Variants in PXDNL observed in about 807,000 individuals in gnomAD.
PXDNL encodes the protein probable oxidoreductase PXDNL.
In PXDNL, 145 loss-of-function variants were observed where a neutral mutation model predicts 150.8. That is an observed-to-expected ratio of 0.96 (90% CI 0.84 to 1.10). The LOEUF (loss-of-function observed/expected upper bound fraction) is 1.10. Ranked by LOEUF, PXDNL falls within the 50% of genes least tolerant of loss-of-function variation. PXDNL has a pLI of 0.00. For missense variants in PXDNL, 2,087 were observed against 1,873.9 expected (o/e 1.11, Z -2.10); for synonymous variants, 757 against 725.7 (o/e 1.04, Z -0.69).
chr8:51,713,750 G>A (rs1246169907), intron 1 of PXDNL, among the ~76,000 whole-genome samples: 1 of 152,178 alleles, frequency 6.6e-6, no homozygotes, highest in African/African-American at 2.4e-5. Flanking sequence ...TGTAGTATAA[G>A]AAGAGCTGAT....
intron 17 of PXDNL, among the ~76,000 whole-genome samples, chr8:51,376,920 G>A (rs958562623): frequency 7.2e-5 from 11 of 151,958 alleles, no homozygotes; most frequent in Middle Eastern, 3.4e-3. Context: ...GGGTTTCACC[G>A]TGTTAGCCAG....
chr8:51,780,682 G>C (rs1366994055), intron 1 of PXDNL, among the ~76,000 whole-genome samples: 1 of 105,464 alleles, frequency 9.5e-6, no homozygotes, highest in East Asian at 2.9e-4. Context: ...TTTTTGAGAT[G>C]GAGTTTCACT....
chr8:51,576,411 C>T lies in PXDNL; in HGVS notation c.308+16216G>A, dbSNP rs1333357931. Among the ~76,000 whole-genome samples, 3 of 151,548 alleles carry T rather than the reference C, an allele frequency of 2.0e-5. 1 individual carries two copies. The highest frequency in any genetic ancestry group is 4.2e-4 in the South Asian group (2 of 4,814). On this transcript the variant is annotated intron_variant, in intron 3 of 22. Transcript: ENST00000356297. ...ATCTAAACACTTGGAAACCAAACAA[C>T]GTACTTACAAACAATCCCTGAGTCA...
intron 17 of PXDNL, among the ~76,000 whole-genome samples, chr8:51,401,560 G>A (rs1808248720): frequency 6.6e-6 from 1 of 152,160 alleles, no homozygotes; most frequent in South Asian, 2.1e-4. Context: ...GACTAAGAGC[G>A]CATGGTAGTC....
intron 1 of PXDNL, among the ~76,000 whole-genome samples, chr8:51,658,039 C>G (rs574274426): frequency 1.3e-4 from 20 of 152,094 alleles, no homozygotes; most frequent in Non-Finnish European, 2.1e-4. Flanking sequence ...TCACTCTCTT[C>G]CTGAGAAGCA....
intron 8 of PXDNL, among the ~76,000 whole-genome samples, chr8:51,467,559 C>T (rs1471154237): frequency 6.6e-6 from 1 of 152,006 alleles, no homozygotes; most frequent in Admixed American, 6.6e-5. Context: ...TATTCCAAAC[C>T]TCAGCATCAT....
intron 11 of PXDNL, among the ~76,000 whole-genome samples, chr8:51,448,627 G>T (rs1489642211): frequency 2.0e-5 from 3 of 152,124 alleles, no homozygotes; most frequent in Non-Finnish European, 4.4e-5. Context: ...GTGAACCCGG[G>T]AGGCGGAGCT....
intron 2 of PXDNL, among the ~76,000 whole-genome samples, chr8:51,643,595 A>G (rs1217621177): frequency 1.3e-5 from 2 of 152,198 alleles, no homozygotes; most frequent in Non-Finnish European, 2.9e-5. Context: ...AAACCCTAGA[A>G]CAAAACCTAG....
intron 1 of PXDNL, among the ~76,000 whole-genome samples, chr8:51,707,613 A>T (rs1440376249): frequency 1.3e-5 from 2 of 152,214 alleles, no homozygotes; most frequent in Non-Finnish European, 2.9e-5. Flanking sequence ...TGCAAAACAC[A>T]TCTCTAGAAC....
intron 14 of PXDNL, among the ~76,000 whole-genome samples, chr8:51,415,901 A>G (rs1219511252): frequency 6.6e-6 from 1 of 152,254 alleles, no homozygotes; most frequent in Admixed American, 6.5e-5. Context: ...TACTGTGATT[A>G]TAAGAAAACA....
chr8:51,807,483 G>A (rs1327214373), intron 1 of PXDNL, among the ~76,000 whole-genome samples: 2 of 152,038 alleles, frequency 1.3e-5, no homozygotes, highest in Non-Finnish European at 2.9e-5. Flanking sequence ...ATGAGATTTG[G>A]GTGGGGACAC....
Position 51,540,935 on chromosome 8 carries a change from G to A in PXDNL, c.380+15905C>T, listed in dbSNP as rs181428890. On this transcript the variant is annotated intron_variant, in intron 4 of 22. Transcript: ENST00000356297. ...GAAACTGTGATTTTTAGTTTCTTGG[G>A]TGCAGATGTTGTTATTTTTTTTTTC... 6.4e-3 allele frequency among the ~76,000 whole-genome samples: 966 copies of A among 151,524 alleles called. 7 individuals are homozygous for A. The highest frequency in any genetic ancestry group is 9.9e-3 in the Admixed American group (151 of 15,256).
chr8:51,341,073 T>G (rs1179003179), intron 20 of PXDNL, among the ~76,000 whole-genome samples: 2 of 152,328 alleles, frequency 1.3e-5, no homozygotes, highest in East Asian at 3.9e-4. Context: ...TTAACAAATA[T>G]GTGTGGGTAT....
intron 1 of PXDNL, among the ~76,000 whole-genome samples, chr8:51,733,812 AAT>A (rs9298461): frequency 0.88 from 122,337 of 138,352 alleles, 54,653 homozygotes; most frequent in East Asian, 0.98. Flanking sequence ...TGTCTCAAAT[AAT>A]ATATATATAT....
At chr8:51,775,015 A>G (rs1048686663) in intron 1 of PXDNL, among the ~76,000 whole-genome samples, 1 of 152,216 alleles carries the variant, frequency 6.6e-6, no homozygotes, top group African/African-American at 2.4e-5. Context: ...AGTCTATGGT[A>G]ACAGAATGAT....
intron 1 of PXDNL, among the ~76,000 whole-genome samples, chr8:51,803,831 G>A (rs542238366): frequency 6.6e-6 from 1 of 152,168 alleles, no homozygotes; most frequent in South Asian, 2.1e-4. Flanking sequence ...CCTAATTAAT[G>A]TACACCGTTA....
chr8:51,640,627 C>T (rs1418749980), intron 2 of PXDNL, among the ~76,000 whole-genome samples: 4 of 152,130 alleles, frequency 2.6e-5, no homozygotes, highest in Non-Finnish European at 5.9e-5. Context: ...GAATAAAATA[C>T]CTAGGAATCC....
chr8:51,344,166 G>A (rs114818178), intron 20 of PXDNL, among the ~76,000 whole-genome samples: 4,497 of 151,970 alleles, frequency 0.03, 210 homozygotes, highest in African/African-American at 0.1. Context: ...GTATAGTGCC[G>A]TGATCGTAAT....
Position 51,483,680 on chromosome 8 carries a change from C to G in PXDNL, c.487G>C (p.Ala163Pro). Residue 163 changes from alanine (A) to proline (P), a missense_variant, in exon 6 of 23, where the codon GCT (alanine) becomes CCT (proline). By Grantham distance (27) the Ala-to-Pro change is conservative. Coordinates refer to ENST00000356297, the MANE Select transcript of PXDNL (RefSeq NM_144651.5). ...GAATCCAGATTAGAAAAGCTCCCAG[C>G]TGGAATTTTAGATAATTTGTTGTTA... ...LHNNKLSKIP[A>P]GSFSNLDSLK... The G allele has an allele frequency of 1.3e-6, 2 of 1,526,276 alleles. No individual in the cohort carries two copies. The highest frequency in any genetic ancestry group is 1.8e-6 in the Non-Finnish European group (2 of 1,126,048). 94.5% of individuals were successfully genotyped at this position (1,526,276 alleles called of 1,614,324 possible). A position where few individuals can be genotyped will look rare whatever the true frequency, so the allele number is the denominator to read the frequency against.
Sources: gnomAD v4.1 joint callset for allele counts (sites outside exome capture counted in the v4.1 genomes callset) on GRCh38, gnomAD v4.1.1 for gene constraint, MANE v1.5 for transcripts, NCBI Gene and HGNC (gene_info 2026-07-23, HGNC 2026-07-21) for gene names.